The following HMGB1 variants were observed in gnomAD, a reference collection of about 807,000 sequenced individuals.
HMGB1 encodes the protein high mobility group box 1, also known as high mobility group protein B1.
For synonymous variants in HMGB1, 81 were observed against 84.0 expected (o/e 0.96, Z 0.19); for missense variants, 79 against 253.5 (o/e 0.31, Z 4.67).
At chr13:30,466,423 C>G (rs557023643), upstream of HMGB1, among the ~76,000 whole-genome samples, 7 of 152,250 alleles carry the variant, frequency 4.6e-5, no homozygotes, top group East Asian at 1.2e-3. Flanking sequence ...GGGGTCTCTG[C>G]TGGTGCTGAG....
chr13:30,503,363 T>C (rs1887780201), intron 1 of HMGB1, among the ~76,000 whole-genome samples: 1 of 150,920 alleles, frequency 6.6e-6, no homozygotes, highest in Non-Finnish European at 1.5e-5. Context: ...AAAAAAAAAG[T>C]TTAGGATAAA....
At chr13:30,484,595 C>T (rs1180156326) in intron 1 of HMGB1, among the ~76,000 whole-genome samples, 1 of 152,090 alleles carries the variant, frequency 6.6e-6, no homozygotes, top group South Asian at 2.1e-4. Flanking sequence ...ATGGGCCAGG[C>T]GCAGTGGTTC....
rs554181509 is a variant in HMGB1, at chr13:30,600,881, G to C, written c.-15+15790C>G. Among the ~76,000 whole-genome samples, 6 of 152,180 alleles carry C rather than the reference G, an allele frequency of 3.9e-5. No homozygotes were observed. In the South Asian group the frequency reaches 1.2e-3, roughly 31 times the overall value. On this transcript the variant is annotated intron_variant, in intron 1 of 4. Coordinates refer to the HMGB1 transcript ENST00000405805. ...CAGATAAATGAACATCTCAGAGCTT[G>C]TTGATAGCAAAGGAGAGATTGAAAC... is the stretch of plus-strand genomic sequence containing the variant.
intron 1 of HMGB1, among the ~76,000 whole-genome samples, chr13:30,483,545 T>C (rs4145277): frequency 0.24 from 36,449 of 151,562 alleles, 4,767 homozygotes; most frequent in East Asian, 0.52. Flanking sequence ...TATGACATTA[T>C]GATCGTGATG....
Position 30,458,807 on chromosome 13 carries a change from ATTTCAC to A in HMGB1, c.*2544_*2549del, listed in dbSNP as rs1056904759. 6.6e-6 allele frequency: 1 copy of A among 152,170 alleles called. No homozygotes were observed. Among genetic ancestry groups the A allele is most frequent in the Non-Finnish European group, 1.5e-5 (1 of 68,026 alleles). The allele number at this position is 152,170 out of a possible 1,614,324, so 9.4% of individuals were successfully genotyped here. On this transcript the variant is annotated 3_prime_UTR_variant, in exon 5 of 5. Transcript: ENST00000341423. ...AGGACACACAAATTTCATTTTTCAGATTTCACTTTAAGAAAATTAATAAATACAGCA... is the reference window on the plus strand; with the variant it reads ...AGGACACACAAATTTCATTTTTCAGATTTAAGAAAATTAATAAATACAGCA...
intron 1 of HMGB1, among the ~76,000 whole-genome samples, chr13:30,605,846 C>T (rs1950452862): frequency 6.6e-6 from 1 of 152,134 alleles, no homozygotes; most frequent in South Asian, 2.1e-4. Flanking sequence ...CATTTAATGC[C>T]ATATGTTTTC....
chr13:30,583,656 T>C (rs1384225248), intron 1 of HMGB1, among the ~76,000 whole-genome samples: 1 of 150,372 alleles, frequency 6.7e-6, no homozygotes, highest in African/African-American at 2.5e-5. Context: ...CTGGCCAACA[T>C]GGTGAAACCC....
chr13:30,516,049 T>C (rs2137468650), intron 1 of HMGB1, among the ~76,000 whole-genome samples: 1 of 152,274 alleles, frequency 6.6e-6, no homozygotes, highest in South Asian at 2.1e-4. Context: ...AGATTTACAG[T>C]CCATATTACC....
At position 30,461,369 on chromosome 13, in the gene HMGB1, A is replaced by G; in HGVS notation, c.636T>C (p.Asp212=). 6.4e-7 allele frequency: 1 copy of G among 1,555,020 alleles called. No individual in the cohort carries two copies. The highest frequency in any genetic ancestry group is 2.2e-5 in the East Asian group (1 of 44,510). The stretch of plus-strand genomic sequence containing the variant: ...CGCTAGAACCAACTTATTCATCATC[A>G]TCATCTTCTTCTTCATCTTCATCTT... ...DEEDEDEEED[D]DDE Residue 212 remains aspartate, a synonymous_variant, in exon 5 of 5, where the codon GAT becomes GAC. Transcript: ENST00000341423.
intron 1 of HMGB1, among the ~76,000 whole-genome samples, chr13:30,566,352 T>A (rs528375389): frequency 1.1e-3 from 166 of 152,304 alleles, no homozygotes; most frequent in Non-Finnish European, 2.1e-3. Flanking sequence ...AGTAAATGTT[T>A]TAGAGTTTCT....
At position 30,611,324 on chromosome 13, in the gene HMGB1, A is replaced by G. The variant is rs564115273; in HGVS notation, c.-15+5347T>C. Among the ~76,000 whole-genome samples the G allele has an allele frequency of 2.6e-5, 4 of 152,258 alleles. No homozygotes were observed. In the East Asian group the frequency reaches 7.7e-4, roughly 29 times the overall value. On this transcript the variant is annotated intron_variant, in intron 1 of 4. Transcript: ENST00000405805. ...ACTACAGGCATGCGCCAACGTGCCC[A>G]GCTAATTTTTTGTTTTTTTAGTAGA... is the stretch of plus-strand genomic sequence containing the variant.
chr13:30,466,702 CT>C (rs1476317705), upstream of HMGB1, among the ~76,000 whole-genome samples: 1 of 152,204 alleles, frequency 6.6e-6, no homozygotes, highest in Admixed American at 6.5e-5. Flanking sequence ...ATACAAAGCA[CT>C]GTCTTAACTT....
At chr13:30,529,739 C>A (rs1056085147) in intron 1 of HMGB1, among the ~76,000 whole-genome samples, 2 of 152,166 alleles carry the variant, frequency 1.3e-5, no homozygotes, top group African/African-American at 4.8e-5. Context: ...TTCAGCCAGG[C>A]GGATTCAGGG....
chr13:30,549,231 C>T (rs1489960889), intron 1 of HMGB1, among the ~76,000 whole-genome samples: 1 of 151,910 alleles, frequency 6.6e-6, no homozygotes, highest in African/African-American at 2.4e-5. Flanking sequence ...TGCAGTGAGC[C>T]GTAATTGAGC....
chr13:30,584,664 GTAAT>G (rs1871063181), intron 1 of HMGB1, among the ~76,000 whole-genome samples: 1 of 152,052 alleles, frequency 6.6e-6, no homozygotes, highest in Non-Finnish European at 1.5e-5. Context: ...ACTTTGAAAT[GTAAT>G]TAATTACTGA....
chr13:30,499,485 T>C (rs1887687906), intron 1 of HMGB1, among the ~76,000 whole-genome samples: 1 of 152,154 alleles, frequency 6.6e-6, no homozygotes, highest in South Asian at 2.1e-4. Flanking sequence ...TCCTTCCCGT[T>C]TCTCTTTTTT....
At chr13:30,583,182 A>C (rs1343343329) in intron 1 of HMGB1, among the ~76,000 whole-genome samples, 1 of 151,986 alleles carries the variant, frequency 6.6e-6, no homozygotes, top group African/African-American at 2.4e-5. Flanking sequence ...TGATCTTTCT[A>C]AGCATAAATC....
chr13:30,542,169 G>C (rs1593300679), intron 1 of HMGB1: 1 of 162,516 alleles, frequency 6.2e-6, no homozygotes, highest in East Asian at 1.7e-4. Flanking sequence ...AGTCTGGAGG[G>C]GGCACCATGC....
Position 30,461,224 on chromosome 13 carries a change from A to T in HMGB1, c.*133T>A. ...CGGTAGTGTGTTAACTATACAAAAAAAGACACTGTACAGTTTAAAAACAAA... is the reference window on the plus strand; with the variant it reads ...CGGTAGTGTGTTAACTATACAAAAATAGACACTGTACAGTTTAAAAACAAA... On this transcript the variant is annotated 3_prime_UTR_variant, in exon 5 of 5. Transcript: ENST00000341423. 1 of 1,286,694 alleles carries T rather than the reference A, an allele frequency of 7.8e-7. No homozygotes were observed. 79.7% of individuals were successfully genotyped at this position (1,286,694 alleles called of 1,614,324 possible).
Sources: gnomAD v4.1 joint callset for allele counts (sites outside exome capture counted in the v4.1 genomes callset) on GRCh38, gnomAD v4.1.1 for gene constraint, MANE v1.5 for transcripts, NCBI Gene and HGNC (gene_info 2026-07-23, HGNC 2026-07-21) for gene names.